EPHA6: variants seen among roughly 807,000 people sequenced by gnomAD.
The protein encoded by EPHA6 is EPH receptor A6.
In EPHA6, 50 loss-of-function variants were observed where a neutral mutation model predicts 112.0. That is an observed-to-expected ratio of 0.45 (90% confidence interval 0.36 to 0.56). The LOEUF (loss-of-function observed/expected upper bound fraction) is 0.56, where lower values mean the gene tolerates loss of function less well. Among genes scored for constraint, EPHA6 ranks in the 20% least tolerant of loss-of-function variants. The probability of loss-of-function intolerance (pLI) is 0.00; values close to 1 mark genes in which losing one functional copy is unlikely to be tolerated. For synonymous variants in EPHA6, 529 were observed against 490.7 expected (o/e 1.08, Z -1.03); for missense variants, 1,280 against 1,417.4 (o/e 0.90, Z 1.56).
chr3:97,385,529 C>T (rs2086009305), intron 5 of EPHA6, among the ~76,000 whole-genome samples: 2 of 152,178 alleles, frequency 1.3e-5, no homozygotes, highest in Admixed American at 1.3e-4. Flanking sequence ...GTTTCAAAGA[C>T]TCACTATCTA....
In EPHA6 at chr3:97,707,372, C is replaced by T. The variant is rs2033734799; in HGVS notation, c.2785-12889C>T. 2.0e-5 allele frequency among the ~76,000 whole-genome samples: 3 copies of T among 152,198 alleles called. No homozygotes were observed. The South Asian group carries it at 6.2e-4, about 32-fold the overall frequency. ...ACAGTACATTCACCTTTTAAAAATT[C>T]AAATAATAGTACGTAGAGGTTACAT... On this transcript the variant is annotated intron_variant, in intron 14 of 17. Coordinates refer to ENST00000389672, the MANE Select transcript of EPHA6 (RefSeq NM_001080448.3).
chr3:97,437,795 C>A (rs1177111001), intron 6 of EPHA6, among the ~76,000 whole-genome samples: 2 of 152,052 alleles, frequency 1.3e-5, no homozygotes, highest in Admixed American at 6.6e-5. Flanking sequence ...AGCCACCACA[C>A]CCAGCCTCAA....
chr3:97,407,347 A>AACACACAC (rs34259097), intron 6 of EPHA6, among the ~76,000 whole-genome samples: 2,496 of 147,346 alleles, frequency 0.017, 69 homozygotes, highest in African/African-American at 0.058. Flanking sequence ...ACTGAAATTA[A>AACACACAC]ACACACACAC....
At chr3:97,068,774 T>C (rs537601283) in intron 3 of EPHA6, among the ~76,000 whole-genome samples, 22 of 152,144 alleles carry the variant, frequency 1.4e-4, no homozygotes, top group African/African-American at 5.3e-4. Context: ...CTAGTGTCCT[T>C]ATAAAAGAGT....
chr3:97,334,276 G>C (rs2082946874), intron 5 of EPHA6, among the ~76,000 whole-genome samples: 1 of 151,562 alleles, frequency 6.6e-6, no homozygotes, highest in South Asian at 2.1e-4. Flanking sequence ...TTCTAATTTT[G>C]TATTAGGGTA....
At chr3:97,131,839 A>G (rs1383426316) in intron 3 of EPHA6, among the ~76,000 whole-genome samples, 1 of 152,264 alleles carries the variant, frequency 6.6e-6, no homozygotes, top group East Asian at 1.9e-4. Flanking sequence ...ACGTTATTAT[A>G]CAGGTTGTAT....
intron 3 of EPHA6, among the ~76,000 whole-genome samples, chr3:97,123,374 T>C (rs2048096843): frequency 6.6e-6 from 1 of 152,116 alleles, no homozygotes; most frequent in South Asian, 2.1e-4. Flanking sequence ...AGTAAGGATT[T>C]TTCTGCCTTA....
chr3:97,046,429 A>C (rs2108070115), intron 3 of EPHA6, among the ~76,000 whole-genome samples: 1 of 152,326 alleles, frequency 6.6e-6, no homozygotes, highest in Admixed American at 6.5e-5. Flanking sequence ...TTAAAACAGT[A>C]AAGGATATAT....
At chr3:97,204,009 A>G (rs574466076) in intron 3 of EPHA6, among the ~76,000 whole-genome samples, 6 of 152,150 alleles carry the variant, frequency 3.9e-5, no homozygotes, top group Non-Finnish European at 7.4e-5. Flanking sequence ...AAAAAGAAAA[A>G]TAATGGCTGA....
intron 3 of EPHA6, among the ~76,000 whole-genome samples, chr3:97,011,252 C>T (rs1459247934): frequency 6.6e-6 from 1 of 152,160 alleles, no homozygotes; most frequent in East Asian, 1.9e-4. Context: ...TGGTGCAGGT[C>T]TGCTTGTTGT....
chr3:97,701,561 G>A (rs938144144), intron 14 of EPHA6, among the ~76,000 whole-genome samples: 8 of 151,390 alleles, frequency 5.3e-5, no homozygotes, highest in South Asian at 2.1e-4. Context: ...CTATACTCTC[G>A]TATATTTTGA....
intron 3 of EPHA6, among the ~76,000 whole-genome samples, chr3:97,011,106 G>C (rs138091518): frequency 6.6e-6 from 1 of 152,230 alleles, no homozygotes; most frequent in East Asian, 1.9e-4. Context: ...TTTCATAGAA[G>C]GAAAGCAGCT....
rs528578582 is a variant in EPHA6, at chr3:97,389,887, A to T, written c.1607-15263A>T. The stretch of plus-strand genomic sequence containing the variant: ...AAACATATGCCCTGAATGCTTTTGA[A>T]GCTACTGTGAGAACATGAAGTTGAA... On this transcript the variant is annotated intron_variant, in intron 5 of 17. Transcript: ENST00000389672. Among the ~76,000 whole-genome samples the T allele has an allele frequency of 5.9e-5, 9 of 152,272 alleles. No homozygotes were observed. The South Asian group carries it at 1.9e-3, about 32-fold the overall frequency.
chr3:97,240,312 T>C (rs1053316732), intron 4 of EPHA6, among the ~76,000 whole-genome samples: 1 of 151,890 alleles, frequency 6.6e-6, no homozygotes, highest in Non-Finnish European at 1.5e-5. Flanking sequence ...TATTTTTCTC[T>C]CATTTGTAAA....
intron 14 of EPHA6, among the ~76,000 whole-genome samples, chr3:97,661,758 A>G (rs1245438425): frequency 1.3e-5 from 2 of 152,164 alleles, no homozygotes; most frequent in Non-Finnish European, 2.9e-5. Context: ...CTCCTTAAGC[A>G]TTCCTTCCCA....
intron 1 of EPHA6, among the ~76,000 whole-genome samples, chr3:96,852,198 CA>C (rs1299727896): frequency 6.6e-6 from 1 of 151,874 alleles, no homozygotes; most frequent in East Asian, 1.9e-4. Flanking sequence ...AGTGCTACAT[CA>C]AGAGGGTGTT....
In EPHA6 at chr3:97,032,118, T is replaced by TA. The variant is rs1227890162; in HGVS notation, c.1114+44131dup. Among the ~76,000 whole-genome samples the TA allele has an allele frequency of 6.6e-5, 10 of 152,128 alleles. No homozygotes were observed. The Middle Eastern group carries it at 0.01, about 155-fold the overall frequency. ...TACACCATGGAATACTATGCAGCCA[T>TA]AAAAAAGGATGAGTTCATGTCCTTT... On this transcript the variant is annotated intron_variant, in intron 3 of 17. Coordinates refer to ENST00000389672, the MANE Select transcript of EPHA6 (RefSeq NM_001080448.3).
intron 11 of EPHA6, among the ~76,000 whole-genome samples, chr3:97,546,395 CA>C (rs1464991255): frequency 6.6e-6 from 1 of 152,166 alleles, no homozygotes; most frequent in Non-Finnish European, 1.5e-5. Flanking sequence ...TATTGGTCCC[CA>C]CTCTCTTCTG....
intron 5 of EPHA6, among the ~76,000 whole-genome samples, chr3:97,262,119 T>C (rs1055744361): frequency 6.6e-6 from 1 of 152,122 alleles, no homozygotes; most frequent in African/African-American, 2.4e-5. Flanking sequence ...TAAGATAGCT[T>C]TTAACAGACT....
Sources: gnomAD v4.1 joint callset for allele counts (sites outside exome capture counted in the v4.1 genomes callset) on GRCh38, gnomAD v4.1.1 for gene constraint, MANE v1.5 for transcripts, NCBI Gene and HGNC (gene_info 2026-07-23, HGNC 2026-07-21) for gene names.